Variants in SFMBT2 observed in about 807,000 individuals in gnomAD.
SFMBT2 encodes the protein Scm like with four mbt domains 2.
Under a neutral mutation model 110.1 loss-of-function variants are expected in SFMBT2, and 38 were observed. The ratio of observed to expected loss-of-function variants is 0.35; its 90% CI spans 0.27 to 0.45. SFMBT2 has a LOEUF of 0.45. SFMBT2 is among the 20% of genes least tolerant of loss of function. The pLI is 1.00. For missense variants in SFMBT2, 1,011 were observed against 1,094.9 expected (o/e 0.92, Z 1.08); for synonymous variants, 425 against 425.4 (o/e 1.00, Z 0.01).
intron 11 of SFMBT2, among the ~76,000 whole-genome samples, chr10:7,214,386 G>A (rs890883384): frequency 1.3e-5 from 2 of 152,216 alleles, no homozygotes; most frequent in Non-Finnish European, 2.9e-5. Flanking sequence ...GGAAAGGCCA[G>A]CATAACAGCA....
intron 15 of SFMBT2, among the ~76,000 whole-genome samples, chr10:7,192,566 A>G (rs17332147): frequency 0.021 from 3,224 of 152,352 alleles, 49 homozygotes; most frequent in Admixed American, 0.037. Context: ...AAATTCAAAC[A>G]GCACATGACA....
chr10:7,380,353 G>A (rs972988060), intron 2 of SFMBT2, among the ~76,000 whole-genome samples: 12 of 152,248 alleles, frequency 7.9e-5, no homozygotes, highest in Admixed American at 5.9e-4. Flanking sequence ...AGATACTAAC[G>A]CCCTTCAACA....
chr10:7,365,599 G>C (rs1354234040), intron 4 of SFMBT2, among the ~76,000 whole-genome samples: 1 of 152,180 alleles, frequency 6.6e-6, no homozygotes. Context: ...CTGATGAAGG[G>C]AGAACAAAAT....
chr10:7,298,451 C>T (rs953083290), intron 4 of SFMBT2, among the ~76,000 whole-genome samples: 3 of 152,178 alleles, frequency 2.0e-5, no homozygotes, highest in South Asian at 2.1e-4. Context: ...TCCCTAGCTC[C>T]GGACAGGCCT....
At chr10:7,331,497 A>G (rs1003219305) in intron 4 of SFMBT2, among the ~76,000 whole-genome samples, 3 of 152,186 alleles carry the variant, frequency 2.0e-5, no homozygotes, top group African/African-American at 7.2e-5. Flanking sequence ...AAACCCAGGC[A>G]TCTTCCCAGG....
chr10:7,272,173 T>C (rs1841606101), intron 7 of SFMBT2, among the ~76,000 whole-genome samples: 1 of 152,140 alleles, frequency 6.6e-6, no homozygotes, highest in African/African-American at 2.4e-5. Flanking sequence ...AACAACAAGA[T>C]TCTTTTCAAC....
At chr10:7,249,442 A>G (rs1015026316) in intron 7 of SFMBT2, 18 of 878,898 alleles carry the variant, frequency 2.0e-5, no homozygotes, top group Non-Finnish European at 2.3e-5. Context: ...AGGTCACCTC[A>G]TAACTCACAG....
chr10:7,376,678 G>A (rs145433995), intron 2 of SFMBT2, among the ~76,000 whole-genome samples: 2,441 of 109,684 alleles, frequency 0.022, 51 homozygotes, highest in Middle Eastern at 0.04. Flanking sequence ...CAGCCTGGGT[G>A]ACAGAGCAAG....
At position 7,273,192 on chromosome 10, in the gene SFMBT2, G is replaced by A. The variant is rs531799045; in HGVS notation, c.870+3700C>T. Among the ~76,000 whole-genome samples the A allele has an allele frequency of 9.8e-5, 15 of 152,328 alleles. No homozygotes were observed. The South Asian group carries it at 3.1e-3, about 32-fold the overall frequency. On this transcript the variant is annotated intron_variant, in intron 7 of 20. Coordinates refer to ENST00000397167, the MANE Select transcript of SFMBT2 (RefSeq NM_001387889.1). ...TATATGGATAAGACAGACATTTTTA[G>A]CCACTTTTAGTGAGAAGGAAATGTA...
chr10:7,287,077 C>CTTTTTTTT (rs761728311), intron 4 of SFMBT2, among the ~76,000 whole-genome samples: 2 of 99,684 alleles, frequency 2.0e-5, no homozygotes, highest in Non-Finnish European at 3.8e-5. Flanking sequence ...TTTGAGGCAT[C>CTTTTTTTT]TTTTTTTTTT....
In SFMBT2 at chr10:7,410,998, C is replaced by T. The variant is rs1205548581; in HGVS notation, c.-189G>A. Among the ~76,000 whole-genome samples the T allele has an allele frequency of 1.3e-5, 2 of 150,852 alleles. No homozygotes were observed. The highest frequency in any genetic ancestry group is 1.3e-4 in the Admixed American group (2 of 15,202). Reference sequence around the variant, plus strand: ...CCGCCGCCTCCCTCGCGCGCCCGCTCCGGTCCTCCGGCTCCCACTACAGCT... The same window carrying T: ...CCGCCGCCTCCCTCGCGCGCCCGCTTCGGTCCTCCGGCTCCCACTACAGCT... On this transcript the variant is annotated 5_prime_UTR_variant, in exon 1 of 21. Transcript: ENST00000397167.
In SFMBT2 at chr10:7,163,913, G is replaced by A. The variant is rs1837621465; in HGVS notation, c.2545-3C>T. On this transcript the variant is annotated splice_region_variant and splice_polypyrimidine_tract_variant and intron_variant, in intron 20 of 20. Transcript: ENST00000397167. This position sits in a 1 kb window ranked among gnomAD's most constrained non-coding sequence, Gnocchi z 4.8. ...AGGAGTGCTTGGCCGTCAATATCCT[G>A]CAGGAAAAGAAAGGCAGGTTAGAGA... 6.2e-7 allele frequency: 1 copy of A among 1,611,442 alleles called. No individual in the cohort carries two copies. The highest frequency in any genetic ancestry group is 1.7e-5 in the Admixed American group (1 of 59,580).
intron 9 of SFMBT2, among the ~76,000 whole-genome samples, chr10:7,230,481 C>T (rs992579634): frequency 6.6e-6 from 1 of 152,170 alleles, no homozygotes; most frequent in Non-Finnish European, 1.5e-5. Context: ...CCTCAAGACA[C>T]GTCAAACGGA....
intron 4 of SFMBT2, among the ~76,000 whole-genome samples, chr10:7,314,706 G>C (rs921910532): frequency 6.6e-6 from 1 of 152,054 alleles, no homozygotes; most frequent in Non-Finnish European, 1.5e-5. Context: ...TCAGGAGTTC[G>C]AGACCAGCCT....
intron 1 of SFMBT2, among the ~76,000 whole-genome samples, 196 bp from the exon 2 acceptor site, chr10:7,382,145 C>A (rs1472986034): frequency 2.6e-5 from 4 of 152,118 alleles, no homozygotes; most frequent in African/African-American, 9.7e-5. Flanking sequence ...TGCAGTGGCT[C>A]ATGCCTGTAA....
intron 7 of SFMBT2, among the ~76,000 whole-genome samples, chr10:7,261,027 T>C (rs914230658): frequency 6.6e-6 from 1 of 151,944 alleles, no homozygotes; most frequent in African/African-American, 2.4e-5. Context: ...ATGGTCTCTC[T>C]GTATGAGGTA....
At chr10:7,312,421 G>C (rs569160398) in intron 4 of SFMBT2, among the ~76,000 whole-genome samples, 1 of 152,168 alleles carries the variant, frequency 6.6e-6, no homozygotes, top group South Asian at 2.1e-4. Context: ...CAGAAGTAAA[G>C]CACAAGGGAG....
At chr10:7,178,403 C>T (rs1432415941) in intron 16 of SFMBT2, among the ~76,000 whole-genome samples, 1 of 152,158 alleles carries the variant, frequency 6.6e-6, no homozygotes, top group Non-Finnish European at 1.5e-5. Context: ...TATAGTTATC[C>T]ACAAGGAACT....
chr10:7,204,462 A>T (rs984950073), intron 12 of SFMBT2: 59 of 984,658 alleles, frequency 6.0e-5, no homozygotes, highest in South Asian at 4.2e-4. Flanking sequence ...ATCTCTAAGG[A>T]CTCATCATTT....
Sources: allele counts gnomAD v4.1 joint callset (sites outside exome capture counted in the v4.1 genomes callset), GRCh38; gene constraint gnomAD v4.1.1; non-coding constraint Gnocchi (gnomAD v3.1); transcripts MANE v1.5; gene names NCBI Gene and HGNC (gene_info 2026-07-23, HGNC 2026-07-21).